LRIT1: variants seen among roughly 807,000 people sequenced by gnomAD.
The protein encoded by LRIT1 is leucine-rich repeat, immunoglobulin-like domain and transmembrane domain-containing protein 1.
In LRIT1, 23 loss-of-function variants were observed where a neutral mutation model predicts 24.0. The observed-to-expected ratio is 0.96, with a 90% CI of 0.69 to 1.36. LRIT1 has a LOEUF of 1.36. LRIT1 is among the 40% of genes most tolerant of loss of function. LRIT1 has a pLI of 0.00. For synonymous variants in LRIT1, 361 were observed against 340.5 expected (o/e 1.06, Z -0.66); for missense variants, 846 against 806.3 (o/e 1.05, Z -0.60).
chr10:84,233,917 C>T (rs1243945624), intron 3 of LRIT1, among the ~76,000 whole-genome samples, 156 bp downstream of exon 3: 1 of 152,214 alleles, frequency 6.6e-6, no homozygotes, highest in Admixed American at 6.5e-5. Flanking sequence ...TGATTTGCCT[C>T]ACCTCTGGGA....
At chr10:84,233,281 C>T (rs1290623269) in intron 3 of LRIT1, among the ~76,000 whole-genome samples, 1 of 152,170 alleles carries the variant, frequency 6.6e-6, no homozygotes, top group Non-Finnish European at 1.5e-5. Context: ...GTGATCCTCC[C>T]ACCTCAGCTC....
chr10:84,233,805 T>C (rs891447153), intron 3 of LRIT1, among the ~76,000 whole-genome samples: 1 of 152,248 alleles, frequency 6.6e-6, no homozygotes, highest in African/African-American at 2.4e-5. Context: ...AAAAGTCAGC[T>C]TTTTGTTCTC....
rs1420535532 is a variant in LRIT1 at position 84,241,513 on chromosome 10, A to AGCAAGCTTG, written c.-75_-74insCAAGCTTGC. The AGCAAGCTTG allele has an allele frequency of 1.6e-4, 222 of 1,419,958 alleles. No homozygotes were observed. The African/African-American group carries it at 2.9e-3, about 19-fold the overall frequency. 88.0% of individuals were successfully genotyped at this position (1,419,958 alleles called of 1,614,324 possible). A position where few individuals can be genotyped will look rare whatever the true frequency, so the allele number is the denominator to read the frequency against. On this transcript the variant is annotated 5_prime_UTR_variant, in exon 1 of 4. Transcript: ENST00000372105. ...TCCGTCCCACCGGCCCAGCAAGCTC[A>AGCAAGCTTG]GCAGCTGCCCACTTGCTCGCCAGCC...
Position 84,237,421 on chromosome 10 carries a change from C to T in LRIT1, c.388G>A (p.Ala130Thr). 1 of 1,546,076 alleles carries T rather than the reference C, an allele frequency of 6.5e-7. No individual in the cohort carries two copies. The highest frequency in any genetic ancestry group is 8.7e-7 in the Non-Finnish European group (1 of 1,147,134). ...AGGTCCAGCAGCCGCAGCTTGGGGG[C>T]GTCCCTGAGCGCCGCCCAGGGGAAG... ...AAFPWAALRD[A>T]PKLRLLDLQA... Residue 130 changes from alanine to threonine, a missense_variant, in exon 2 of 4, where the codon GCC becomes ACC. By Grantham distance (58) the Ala-to-Thr change is moderately conservative. Coordinates refer to ENST00000372105, the MANE Select transcript of LRIT1 (RefSeq NM_015613.3).
At chr10:84,235,815 T>C (rs986495073) in intron 2 of LRIT1, among the ~76,000 whole-genome samples, 2 of 152,046 alleles carry the variant, frequency 1.3e-5, no homozygotes, top group South Asian at 4.2e-4. Context: ...TTCACCATAT[T>C]GGCCAGACTG....
At chr10:84,234,492 T>G (rs1477720237) in intron 2 of LRIT1, 114 bp from the exon 3 acceptor site, 2 of 799,810 alleles carry the variant, frequency 2.5e-6, no homozygotes, top group Non-Finnish European at 3.8e-6. Context: ...TCAGCAGAAC[T>G]GGCCTCTGGA....
intron 1 of LRIT1, among the ~76,000 whole-genome samples, chr10:84,239,585 T>C (rs1008686061): frequency 1.3e-5 from 2 of 152,156 alleles, no homozygotes; most frequent in Non-Finnish European, 2.9e-5. Context: ...AAGAACTCAA[T>C]GCAAGCCTAC....
rs1269225745 is a variant in LRIT1 at position 84,237,403 on chromosome 10, G to C, written c.406C>G (p.Leu136Val). 20 of 1,547,264 alleles carry C rather than the reference G, an allele frequency of 1.3e-5. No individual in the cohort carries two copies. Among genetic ancestry groups the C allele is most frequent in the Non-Finnish European group, 1.7e-5 (20 of 1,146,928 alleles). Residue 136 changes from leucine (L) to valine (V), a missense_variant, in exon 2 of 4, where the codon CTG becomes GTG. By Grantham distance (32) the Leu-to-Val change is conservative (BLOSUM62 1). Coordinates refer to ENST00000372105, the MANE Select transcript of LRIT1 (RefSeq NM_015613.3). ...ALRDAPKLRL[L>V]DLQANRLSAV... ...GAGAGGCGGTTGGCCTGCAGGTCCA[G>C]CAGCCGCAGCTTGGGGGCGTCCCTG...
rs1445987386 is a variant in LRIT1, at chr10:84,237,228, C to T, written c.581G>A (p.Arg194Gln). ...GIFPPGHHPRRVLGLQDNPWA... is the reference protein window; with the variant it reads ...GIFPPGHHPRQVLGLQDNPWA... ...AGGTTGCCGACCCTTACCTAGGACCCGCCTGGGGTGGTGGCCGGGAGGAAA... is the reference window on the plus strand; with the variant it reads ...AGGTTGCCGACCCTTACCTAGGACCTGCCTGGGGTGGTGGCCGGGAGGAAA... The change falls in exon 2 of 4, where the codon CGG becomes CAG. Residue 194 changes from arginine to glutamine, a missense_variant. Coordinates refer to ENST00000372105, the MANE Select transcript of LRIT1 (RefSeq NM_015613.3). The T allele has an allele frequency of 2.6e-6, 4 of 1,550,040 alleles. No homozygotes were observed. The highest frequency in any genetic ancestry group is 2.0e-5 in the Admixed American group (1 of 50,964).
intron 1 of LRIT1, among the ~76,000 whole-genome samples, chr10:84,240,810 G>A (rs1842685489): frequency 6.6e-6 from 1 of 152,192 alleles, no homozygotes. Flanking sequence ...AGCGAAGATG[G>A]AGAGGAGGAA....
In LRIT1 at chr10:84,237,457, G is replaced by T. The variant is rs763225782; in HGVS notation, c.352C>A (p.Arg118Ser). Residue 118 changes from arginine to serine, a missense_variant, in exon 2 of 4, where the codon CGC becomes AGC. Physicochemically the swap from Arg to Ser is moderately radical, Grantham distance 110. Transcript: ENST00000372105. Reference protein sequence around the residue: ...RLRELRLPGNRLAAFPWAALR... With the variant: ...RLRELRLPGNSLAAFPWAALR... The stretch of plus-strand genomic sequence containing the variant: ...GCCGCCCAGGGGAAGGCGGCCAGGC[G>T]GTTCCCGGGCAGCCGCAGCTCCCGC... 6.4e-7 allele frequency: 1 copy of T among 1,562,988 alleles called. No individual in the cohort carries two copies. Among genetic ancestry groups the T allele is most frequent in the South Asian group, 1.2e-5 (1 of 86,364 alleles).
Position 84,231,941 on chromosome 10 carries a change from C to T in LRIT1, c.1858G>A (p.Glu620Lys), listed in dbSNP as rs758651935. Residue 620 changes from glutamate to lysine, a missense_variant, in exon 4 of 4, where the codon GAG (glutamate) becomes AAG (lysine). Transcript: ENST00000372105. Reference protein sequence around the residue: ...FGVKGGRRINEYFC With the variant: ...FGVKGGRRINKYFC The stretch of plus-strand genomic sequence containing the variant: ...AGGCATATCCCTCAGCAGAAGTACT[C>T]ATTGATTCTCCTGCCCCCTTTGACT... 7 of 1,606,416 alleles carry T rather than the reference C, an allele frequency of 4.4e-6. No homozygotes were observed. The highest frequency in any genetic ancestry group is 1.3e-5 in the African/African-American group (1 of 74,920).
At chr10:84,237,790 G>C in intron 1 of LRIT1, 104 bp from the exon 2 acceptor site, 1 of 859,024 alleles carries the variant, frequency 1.2e-6, no homozygotes, top group Non-Finnish European at 1.8e-6. Flanking sequence ...TGTTATCACC[G>C]GACACCCACA....
At chr10:84,238,997 A>G (rs1255217390) in intron 1 of LRIT1, among the ~76,000 whole-genome samples, 1 of 152,200 alleles carries the variant, frequency 6.6e-6, no homozygotes, top group African/African-American at 2.4e-5. Flanking sequence ...AGCATAACCT[A>G]CTGGTGATAT....
chr10:84,239,222 T>C (rs1280380865), intron 1 of LRIT1, among the ~76,000 whole-genome samples: 2 of 152,242 alleles, frequency 1.3e-5, no homozygotes, highest in African/African-American at 4.8e-5. Context: ...AGCCCCTGTC[T>C]CCATACAGTG....
chr10:84,237,626 G>C lies in LRIT1; in HGVS notation c.183C>G (p.Thr61=). The change falls in exon 2 of 4, where the codon ACC becomes ACG. Residue 61 remains threonine (T), a synonymous_variant. Coordinates refer to ENST00000372105, the MANE Select transcript of LRIT1 (RefSeq NM_015613.3). The part of the protein sequence containing the change: ...TLPPASIPPD[T]SRLRLERTAI... ...CCGTCCGCTCCAGGCGCAGTCTGGA[G>C]GTGTCCGGGGGGATGGACGCCGGGG... 6.2e-7 allele frequency: 1 copy of C among 1,606,306 alleles called. No homozygotes were observed. Among genetic ancestry groups the C allele is most frequent in the Non-Finnish European group, 8.5e-7 (1 of 1,179,180 alleles).
At chr10:84,237,198 G>A in intron 2 of LRIT1, 22 bp downstream of exon 2, 1 of 1,526,194 alleles carries the variant, frequency 6.6e-7, no homozygotes, top group Non-Finnish European at 8.9e-7. Context: ...TAAGACCCCA[G>A]GTGAAGGTTG....
chr10:84,237,894 A>G (rs906351841), intron 1 of LRIT1, among the ~76,000 whole-genome samples: 2 of 152,150 alleles, frequency 1.3e-5, no homozygotes, highest in African/African-American at 4.8e-5. Context: ...AGAGCCTTTC[A>G]CAATGGTCCC....
At position 84,232,612 on chromosome 10, in the gene LRIT1, G is replaced by T; in HGVS notation, c.1187C>A (p.Pro396His). Reference sequence around the variant, plus strand: ...CTCCTCCTTTGTGCTGGGCACAGAGGGTCCAGTGGCCAGGACAGCGGGTTT... The same window carrying T: ...CTCCTCCTTTGTGCTGGGCACAGAGTGTCCAGTGGCCAGGACAGCGGGTTT... ...IPKPAVLATG[P>H]SVPSTKEELT... Residue 396 changes from proline to histidine, a missense_variant, in exon 4 of 4, where the codon CCC becomes CAC. By Grantham distance (77) the Pro-to-His change is moderately conservative. Coordinates refer to ENST00000372105, the MANE Select transcript of LRIT1 (RefSeq NM_015613.3). The T allele has an allele frequency of 6.2e-7, 1 of 1,613,832 alleles. No homozygotes were observed.
Sources: gnomAD v4.1 joint callset for allele counts (sites outside exome capture counted in the v4.1 genomes callset) on GRCh38, gnomAD v4.1.1 for gene constraint, MANE v1.5 for transcripts, NCBI Gene and HGNC (gene_info 2026-07-23, HGNC 2026-07-21) for gene names.